The following ENTHD1 variants were observed in gnomAD, a reference collection of about 807,000 sequenced individuals.
ENTHD1 encodes ENTH domain-containing protein 1.
Under a neutral mutation model 39.1 loss-of-function variants are expected in ENTHD1, and 23 were observed. The observed-to-expected ratio is 0.59, with a 90% CI of 0.42 to 0.83. The LOEUF (loss-of-function observed/expected upper bound fraction) is 0.83, where lower values mean the gene tolerates loss of function less well. Among genes scored for constraint, ENTHD1 ranks in the 40% least tolerant of loss-of-function variants. ENTHD1 has a pLI of 0.00. For missense variants in ENTHD1, 624 were observed against 705.4 expected (o/e 0.88, Z 1.31); for synonymous variants, 230 against 258.2 (o/e 0.89, Z 1.05).
chr22:39,887,397 T>C lies in ENTHD1; in HGVS notation c.349+3A>G. 1 of 1,597,328 alleles carries C rather than the reference T, an allele frequency of 6.3e-7. No individual in the cohort carries two copies. The highest frequency in any genetic ancestry group is 8.5e-7 in the Non-Finnish European group (1 of 1,172,228). On this transcript the variant is annotated splice_donor_region_variant and intron_variant, in intron 2 of 6. Coordinates refer to ENST00000325157, the MANE Select transcript of ENTHD1 (RefSeq NM_152512.4). ...AGCTTATATAAACTTCTTTAACCAT[T>C]ACCTTGGTCTTTTCCAGCTTCATCT... is the stretch of plus-strand genomic sequence containing the variant.
At chr22:39,832,801 G>A (rs2065879533) in intron 4 of ENTHD1, among the ~76,000 whole-genome samples, 1 of 152,188 alleles carries the variant, frequency 6.6e-6, no homozygotes, top group South Asian at 2.1e-4. Flanking sequence ...GTGTGTGAGA[G>A]TGAGTAGGGG....
Position 39,857,471 on chromosome 22 carries a change from A to AAAAAT in ENTHD1, c.592+4293_592+4294insATTTT, listed in dbSNP as rs1555940780. Among the ~76,000 whole-genome samples, 15 of 118,574 alleles carry AAAAAT rather than the reference A, an allele frequency of 1.3e-4. 1 individual carries two copies. Among genetic ancestry groups the AAAAAT allele is most frequent in the Non-Finnish European group, 1.9e-4 (11 of 56,770 alleles). 77.8% of individuals were successfully genotyped at this position (118,574 alleles called of 152,430 possible). ...AAAAAAAAAAAAAAAAAAAAAAAAA[A>AAAAAT]GCAATCTGTGACTACAAAACAATAA... On this transcript the variant is annotated intron_variant, in intron 3 of 6. Transcript: ENST00000325157.
At chr22:39,878,264 G>T (rs1242286741) in intron 2 of ENTHD1, among the ~76,000 whole-genome samples, 1 of 152,112 alleles carries the variant, frequency 6.6e-6, no homozygotes, top group Non-Finnish European at 1.5e-5. Context: ...GAAAAGCAAA[G>T]AGAAAAACCG....
chr22:39,762,061 T>A (rs1232303371), intron 6 of ENTHD1, among the ~76,000 whole-genome samples: 1 of 152,218 alleles, frequency 6.6e-6, no homozygotes, highest in African/African-American at 2.4e-5. Context: ...TAAAGAGCAC[T>A]GATTTTTGTT....
intron 5 of ENTHD1, among the ~76,000 whole-genome samples, chr22:39,803,904 G>A (rs1003777671): frequency 2.0e-5 from 3 of 152,172 alleles, no homozygotes; most frequent in African/African-American, 4.8e-5. Flanking sequence ...GCTCATGCTT[G>A]TAATCCTAGC....
intron 5 of ENTHD1, 139 bp downstream of exon 5, chr22:39,820,854 A>T: frequency 1.2e-6 from 1 of 800,252 alleles, no homozygotes. Flanking sequence ...GTAAAACAAG[A>T]TTATAGGACC....
intron 5 of ENTHD1, among the ~76,000 whole-genome samples, chr22:39,809,449 C>T (rs1247710341): frequency 6.6e-6 from 1 of 152,122 alleles, no homozygotes; most frequent in Non-Finnish European, 1.5e-5. Flanking sequence ...GGAAAGCCTC[C>T]CTGAGACTGT....
intron 5 of ENTHD1, among the ~76,000 whole-genome samples, chr22:39,797,472 G>T (rs578236513): frequency 2.5e-4 from 38 of 152,202 alleles, no homozygotes; most frequent in Non-Finnish European, 3.8e-4. Context: ...TAGTTGGGTG[G>T]TTTTCTGTAG....
intron 5 of ENTHD1, among the ~76,000 whole-genome samples, chr22:39,800,320 A>T (rs1000644448): frequency 1.3e-5 from 2 of 152,176 alleles, no homozygotes; most frequent in Non-Finnish European, 1.5e-5. Context: ...AAGTGTGATT[A>T]TCTACTTACT....
chr22:39,789,666 G>A (rs1039069337), intron 5 of ENTHD1, among the ~76,000 whole-genome samples: 2 of 152,172 alleles, frequency 1.3e-5, no homozygotes, highest in Non-Finnish European at 2.9e-5. Flanking sequence ...AAATACAACA[G>A]TGGACAAAAA....
chr22:39,767,280 A>C (rs1237284490), intron 5 of ENTHD1, among the ~76,000 whole-genome samples: 1 of 152,192 alleles, frequency 6.6e-6, no homozygotes, highest in Non-Finnish European at 1.5e-5. Context: ...CCTCTCCTAA[A>C]ATATTCCTAA....
chr22:39,820,490 T>C (rs1247462887), intron 5 of ENTHD1, among the ~76,000 whole-genome samples: 7 of 152,174 alleles, frequency 4.6e-5, no homozygotes, highest in Non-Finnish European at 1.0e-4. Flanking sequence ...AGTGAGTCAG[T>C]CAGATCCTCA....
In ENTHD1 at chr22:39,867,652, C is replaced by T. The variant is rs562462969; in HGVS notation, c.350-5645G>A. ...TACCCTCCACAATGCCTTCAGGTAACGCGGTGGGGGTAGAAAGGGAGGGGA... is the reference window on the plus strand; with the variant it reads ...TACCCTCCACAATGCCTTCAGGTAATGCGGTGGGGGTAGAAAGGGAGGGGA... On this transcript the variant is annotated intron_variant, in intron 2 of 6. Transcript: ENST00000325157. The surrounding 1 kb of genome is among the most constrained non-coding windows in gnomAD (Gnocchi z 4.5). 6.6e-4 allele frequency among the ~76,000 whole-genome samples: 101 copies of T among 152,176 alleles called. No individual in the cohort carries two copies. In the Middle Eastern group the frequency reaches 0.014, roughly 20 times the overall value.
chr22:39,859,621 A>G (rs767212891), intron 3 of ENTHD1, among the ~76,000 whole-genome samples: 5 of 152,180 alleles, frequency 3.3e-5, no homozygotes, highest in African/African-American at 4.8e-5. Flanking sequence ...CAGAACACAC[A>G]TGACATCTAT....
intron 5 of ENTHD1, among the ~76,000 whole-genome samples, chr22:39,770,875 A>G (rs1374673480): frequency 6.6e-6 from 1 of 152,128 alleles, no homozygotes; most frequent in Non-Finnish European, 1.5e-5. Flanking sequence ...ATTGCTTGGG[A>G]CCAGAATTGT....
Position 39,750,280 on chromosome 22 carries a change from G to A in ENTHD1, c.1220-5997C>T, listed in dbSNP as rs117492549. ...TGAGTTGATCCAGTTCTTGAACTCTGTAGACTCTGATAATTCTGAATCTGT... is the reference window on the plus strand; with the variant it reads ...TGAGTTGATCCAGTTCTTGAACTCTATAGACTCTGATAATTCTGAATCTGT... On this transcript the variant is annotated intron_variant, in intron 6 of 6. Coordinates refer to ENST00000325157, the MANE Select transcript of ENTHD1 (RefSeq NM_152512.4). 77 of 180,986 alleles carry A rather than the reference G, an allele frequency of 4.3e-4. 3 individuals carry two copies. The East Asian group carries it at 0.01, about 24-fold the overall frequency. The allele number at this position is 180,986 out of a possible 1,614,324, so 11.2% of individuals were successfully genotyped here. A position where few individuals can be genotyped will look rare whatever the true frequency, so the allele number is the denominator to read the frequency against.
chr22:39,883,617 G>C lies in ENTHD1; in HGVS notation c.349+3783C>G, dbSNP rs141883560. On this transcript the variant is annotated intron_variant, in intron 2 of 6. Transcript: ENST00000325157. ...TGGAGAGGAAGAAGTGAAACTATTT[G>C]TATATGACAGGATCTAGTATATAGA... Among the ~76,000 whole-genome samples the C allele has an allele frequency of 1.2e-4, 18 of 151,884 alleles. No homozygotes were observed. The East Asian group carries it at 3.5e-3, about 29-fold the overall frequency.
chr22:39,881,421 G>C (rs1204637559), intron 2 of ENTHD1, among the ~76,000 whole-genome samples: 1 of 152,130 alleles, frequency 6.6e-6, no homozygotes, highest in Non-Finnish European at 1.5e-5. Context: ...TAGAGATTAA[G>C]GAAAAATGCG....
chr22:39,823,390 G>C (rs1453484441), intron 4 of ENTHD1, among the ~76,000 whole-genome samples: 1 of 152,126 alleles, frequency 6.6e-6, no homozygotes. Context: ...TGTCGCCCAG[G>C]CTGGAGTGCA....
Sources: allele counts gnomAD v4.1 joint callset (sites outside exome capture counted in the v4.1 genomes callset), GRCh38; gene constraint gnomAD v4.1.1; non-coding constraint Gnocchi (gnomAD v3.1); transcripts MANE v1.5; gene names NCBI Gene and HGNC (gene_info 2026-07-23, HGNC 2026-07-21).